DHRS7C: variants seen among roughly 807,000 people sequenced by gnomAD.
The protein encoded by DHRS7C is dehydrogenase/reductase 7C, also known as dehydrogenase/reductase SDR family member 7C.
In DHRS7C, 28 loss-of-function variants were observed where a neutral mutation model predicts 29.6. The observed-to-expected ratio is 0.95, with a 90% CI of 0.70 to 1.30. The LOEUF (loss-of-function observed/expected upper bound fraction) is 1.30, where lower values mean the gene tolerates loss of function less well. DHRS7C is among the 50% of genes most tolerant of loss of function. DHRS7C has a pLI of 0.00. For synonymous variants in DHRS7C, 158 were observed against 160.2 expected, an observed-to-expected ratio of 0.99 and a Z score of 0.10; for missense variants, 403 against 393.3, an observed-to-expected ratio of 1.02 and a Z score of -0.21.
intron 3 of DHRS7C, among the ~76,000 whole-genome samples, chr17:9,779,108 C>T (rs1005270404): frequency 1.3e-5 from 2 of 152,060 alleles, no homozygotes; most frequent in African/African-American, 4.8e-5. Flanking sequence ...CGGGGTTTCA[C>T]CATGTTGGCC....
At chr17:9,781,697 C>G (rs1435622621) in intron 1 of DHRS7C, 103 bp from the exon 2 acceptor site, 2 of 1,123,026 alleles carry the variant, frequency 1.8e-6, no homozygotes, top group Non-Finnish European at 2.6e-6. Context: ...ACTCAGAAGT[C>G]TTAGCACCAC....
intron 1 of DHRS7C, among the ~76,000 whole-genome samples, chr17:9,786,443 T>A (rs2066424574): frequency 6.6e-6 from 1 of 151,428 alleles, no homozygotes; most frequent in East Asian, 1.9e-4. Flanking sequence ...CTGAATAAAT[T>A]TGAGGTGTAC....
intron 1 of DHRS7C, among the ~76,000 whole-genome samples, chr17:9,782,120 G>C (rs1029974414): frequency 6.6e-6 from 1 of 152,134 alleles, no homozygotes; most frequent in Non-Finnish European, 1.5e-5. Context: ...TCTCAACTAA[G>C]TGTTACCTGG....
intron 1 of DHRS7C, 37 bp from the exon 2 acceptor site, chr17:9,781,631 G>A (rs746376099): frequency 6.3e-7 from 1 of 1,598,516 alleles, no homozygotes; most frequent in South Asian, 1.1e-5. Flanking sequence ...GGCACACTGT[G>A]TGGATGGAGC....
intron 3 of DHRS7C, among the ~76,000 whole-genome samples, chr17:9,778,985 C>A (rs1476865935): frequency 6.6e-6 from 1 of 152,058 alleles, no homozygotes; most frequent in African/African-American, 2.4e-5. Context: ...TCTTGGCTCA[C>A]TGCAACATCA....
Position 9,781,482 on chromosome 17 carries a change from C to CT in DHRS7C, c.266dup (p.Thr90AspfsTer48). On this transcript the variant is annotated frameshift_variant and splice_region_variant, in exon 2 of 6. Transcript: ENST00000571134. LOFTEE classifies it high-confidence loss of function. ...CACGCCTACTGCTAGAAGACCTTAC[C>CT]TTGCTGGGGTCAGCCACGCTGATCA... The CT allele has an allele frequency of 6.2e-7, 1 of 1,613,922 alleles. No homozygotes were observed. The highest frequency in any genetic ancestry group is 1.3e-5 in the African/African-American group (1 of 75,054).
intron 2 of DHRS7C, among the ~76,000 whole-genome samples, chr17:9,780,738 AGATACACAGTGCACACTG>A (rs2066388810): frequency 6.6e-6 from 1 of 152,226 alleles, no homozygotes; most frequent in Non-Finnish European, 1.5e-5. Flanking sequence ...TTCTTCTTGG[AGATACACAGTGCACACTG>A]GCATATTAAA....
At chr17:9,777,901 AAG>A in intron 3 of DHRS7C, among the ~76,000 whole-genome samples, 1 of 152,220 alleles carries the variant, frequency 6.6e-6, no homozygotes, top group Non-Finnish European at 1.5e-5. Flanking sequence ...CTGAGAATGA[AAG>A]AGTTTTTAAA....
rs761320907 is a variant in DHRS7C at position 9,771,672 on chromosome 17, C to A, written c.752G>T (p.Gly251Val). 3.3e-5 allele frequency: 50 copies of A among 1,526,390 alleles called. No individual in the cohort carries two copies. The highest frequency in any genetic ancestry group is 4.3e-5 in the Non-Finnish European group (49 of 1,132,400). 94.6% of individuals were successfully genotyped at this position (1,526,390 alleles called of 1,614,324 possible). A position where few individuals can be genotyped will look rare whatever the true frequency, so the allele number is the denominator to read the frequency against. Residue 251 changes from glycine (G) to valine (V), a missense_variant, in exon 6 of 6, where the codon GGC becomes GTC. By Grantham distance (109) the Gly-to-Val change is moderately radical. Transcript: ENST00000571134. Reference sequence around the variant, plus strand: ...CTCCGCCACCTCTACTGGGTGCACGCCGTAGGTCAGCTTCCTGAAAAAGAC... The same window carrying A: ...CTCCGCCACCTCTACTGGGTGCACGACGTAGGTCAGCTTCCTGAAAAAGAC... ...WKFFFRKLTY[G>V]VHPVEVAEEV...
rs1005864732 is a variant in DHRS7C at position 9,773,403 on chromosome 17, C to T, written c.572-481G>A. Among the ~76,000 whole-genome samples, 5 of 152,064 alleles carry T rather than the reference C, an allele frequency of 3.3e-5. No homozygotes were observed. In the East Asian group the frequency reaches 5.8e-4, roughly 18 times the overall value. ...TCTCCCTTCCTGTTTCCCTTTTCCT[C>T]GGAGAGCCCGTCCAGGTAATCCACT... On this transcript the variant is annotated intron_variant, in intron 4 of 5. Transcript: ENST00000571134.
rs543965888 is a variant in DHRS7C at position 9,775,361 on chromosome 17, G to C, written c.571+1832C>G. 6.6e-6 allele frequency among the ~76,000 whole-genome samples: 1 copy of C among 152,200 alleles called. No individual in the cohort carries two copies. Among genetic ancestry groups the C allele is most frequent in the Non-Finnish European group, 1.5e-5 (1 of 68,044 alleles). On this transcript the variant is annotated intron_variant, in intron 4 of 5. Coordinates refer to ENST00000571134, the MANE Select transcript of DHRS7C (RefSeq NM_001105571.3). The surrounding 1 kb of genome is among the most constrained non-coding windows in gnomAD (Gnocchi z 4.2). Reference sequence around the variant, plus strand: ...CCCCAGGTGGACTGCACTTCCCAGCGTCCCTTGCACTTAGGTGCGACTGAG... The same window carrying C: ...CCCCAGGTGGACTGCACTTCCCAGCCTCCCTTGCACTTAGGTGCGACTGAG...
At chr17:9,772,746 A>G in intron 5 of DHRS7C, 21 bp downstream of exon 5, 1 of 1,612,764 alleles carries the variant, frequency 6.2e-7, no homozygotes, top group Non-Finnish European at 8.5e-7. Context: ...CAGGGGCCCC[A>G]GCTTCCCTCT....
At chr17:9,788,454 G>A (rs1336666817) in intron 1 of DHRS7C, among the ~76,000 whole-genome samples, 4 of 152,002 alleles carry the variant, frequency 2.6e-5, no homozygotes, top group Admixed American at 6.5e-5. Flanking sequence ...TGATCCACCC[G>A]CCTCAGCCTC....
chr17:9,783,202 C>T (rs549051428), intron 1 of DHRS7C, among the ~76,000 whole-genome samples: 2 of 152,270 alleles, frequency 1.3e-5, no homozygotes, highest in South Asian at 2.1e-4. Flanking sequence ...TCTAGGAGAG[C>T]TCAGTCTGCT....
At chr17:9,783,562 G>C (rs1256481885) in intron 1 of DHRS7C, among the ~76,000 whole-genome samples, 1 of 152,188 alleles carries the variant, frequency 6.6e-6, no homozygotes, top group African/African-American at 2.4e-5. Context: ...TAAAGAGTTA[G>C]CAGTTCAAGT....
Position 9,774,817 on chromosome 17 carries a change from C to T in DHRS7C, c.572-1895G>A, listed in dbSNP as rs1003342420. On this transcript the variant is annotated intron_variant, in intron 4 of 5. Transcript: ENST00000571134. This position sits in a 1 kb window ranked among gnomAD's most constrained non-coding sequence, Gnocchi z 5.0. ...AGACCCCAGGTCACTCCCACGCCAG[C>T]TCCTTGTGTCTTTCCAAAGCCGGAT... 2.0e-5 allele frequency among the ~76,000 whole-genome samples: 3 copies of T among 152,148 alleles called. No homozygotes were observed. The highest frequency in any genetic ancestry group is 7.2e-5 in the African/African-American group (3 of 41,420).
chr17:9,782,410 G>A (rs2152017337), intron 1 of DHRS7C, among the ~76,000 whole-genome samples: 1 of 152,318 alleles, frequency 6.6e-6, no homozygotes, highest in African/African-American at 2.4e-5. Context: ...TCATGGAATA[G>A]GGGCCAGGAG....
intron 2 of DHRS7C, among the ~76,000 whole-genome samples, chr17:9,780,318 CCCTTCA>C (rs2066386794): frequency 6.6e-6 from 1 of 152,152 alleles, no homozygotes; most frequent in Non-Finnish European, 1.5e-5. Context: ...ATGAATATTG[CCCTTCA>C]CGGCAGTCCC....
intron 2 of DHRS7C, 114 bp from the exon 3 acceptor site, chr17:9,780,149 C>CT: frequency 7.7e-6 from 6 of 782,216 alleles, no homozygotes; most frequent in Non-Finnish European, 9.6e-6. Flanking sequence ...AATGAAATGA[C>CT]TGAAAAAAAA....
Sources: allele counts gnomAD v4.1 joint callset (sites outside exome capture counted in the v4.1 genomes callset), GRCh38; gene constraint gnomAD v4.1.1; non-coding constraint Gnocchi (gnomAD v3.1); transcripts MANE v1.5; gene names NCBI Gene and HGNC (gene_info 2026-07-23, HGNC 2026-07-21).